The following SGCZ variants were observed in gnomAD, a reference collection of about 807,000 sequenced individuals.
The protein encoded by SGCZ is zeta-sarcoglycan.
SGCZ carries 40 observed loss-of-function variants against 41.3 expected under a neutral mutation model. The observed-to-expected ratio is 0.97, with a 90% confidence interval of 0.75 to 1.26. SGCZ has a LOEUF of 1.26. SGCZ is among the 50% of genes most tolerant of loss of function. The pLI is 0.00. For missense variants in SGCZ, 552 were observed against 369.8 expected, an observed-to-expected ratio of 1.49 and a Z score of -4.04; for synonymous variants, 206 against 137.5, an observed-to-expected ratio of 1.50 and a Z score of -3.49.
chr8:14,708,970 T>C (rs141560714), intron 1 of SGCZ, among the ~76,000 whole-genome samples: 2 of 152,106 alleles, frequency 1.3e-5, no homozygotes, highest in Non-Finnish European at 2.9e-5. Context: ...ATACCCAGAA[T>C]TTTGTTCATC....
At chr8:14,171,772 CTTA>C (rs34158451) in intron 4 of SGCZ, among the ~76,000 whole-genome samples, 54,437 of 151,594 alleles carry the variant, frequency 0.36, 12,583 homozygotes, top group Non-Finnish European at 0.53. Context: ...CTAAGCTATG[CTTA>C]TTGACATTTA....
At chr8:14,629,514 T>C (rs1806575661) in intron 1 of SGCZ, among the ~76,000 whole-genome samples, 1 of 152,052 alleles carries the variant, frequency 6.6e-6, no homozygotes, top group Non-Finnish European at 1.5e-5. Flanking sequence ...GTGAGGGATA[T>C]AAAAAGTGCA....
intron 2 of SGCZ, among the ~76,000 whole-genome samples, chr8:14,441,529 C>A (rs1445252544): frequency 6.6e-6 from 1 of 152,182 alleles, no homozygotes; most frequent in African/African-American, 2.4e-5. Context: ...AAGCCAAGAT[C>A]ACGTCACTGC....
intron 1 of SGCZ, among the ~76,000 whole-genome samples, chr8:14,615,046 T>C (rs1423402378): frequency 6.6e-6 from 1 of 151,996 alleles, no homozygotes; most frequent in Non-Finnish European, 1.5e-5. Context: ...TACAAAAAGA[T>C]TAAAAGTGAA....
intron 1 of SGCZ, among the ~76,000 whole-genome samples, chr8:15,129,657 GT>G (rs1807826598): frequency 7.1e-6 from 1 of 141,162 alleles, no homozygotes; most frequent in African/African-American, 2.6e-5. Flanking sequence ...AGGCGTGTAA[GT>G]GCACTCAAGC....
intron 4 of SGCZ, among the ~76,000 whole-genome samples, chr8:14,220,383 CA>C (rs140663816): frequency 0.053 from 8,001 of 152,140 alleles, 290 homozygotes; most frequent in East Asian, 0.12. Context: ...ATATACACTT[CA>C]AAAATCAAAT....
intron 5 of SGCZ, among the ~76,000 whole-genome samples, chr8:14,134,215 A>T (rs982575145): frequency 1.3e-5 from 2 of 152,174 alleles, no homozygotes; most frequent in African/African-American, 4.8e-5. Context: ...GCACAATTAG[A>T]TATTAGATAA....
At position 15,126,137 on chromosome 8, in the gene SGCZ, C is replaced by T. The variant is rs144064797; in HGVS notation, c.39+111448G>A. On this transcript the variant is annotated intron_variant, in intron 1 of 7. Coordinates refer to ENST00000382080, the MANE Select transcript of SGCZ (RefSeq NM_139167.4). ...TTCCAGCCTGGGCAACAGAGGGAGA[C>T]GCCATCTCAAAAAAGCAAAACAAAC... is the stretch of plus-strand genomic sequence containing the variant. Among the ~76,000 whole-genome samples, 657 of 152,160 alleles carry T rather than the reference C, an allele frequency of 4.3e-3. 6 individuals are homozygous for T. The highest frequency in any genetic ancestry group is 0.017 in the Middle Eastern group (5 of 294).
chr8:15,002,962 GGTTTTATAAAGGGGAGTTCCCCTGCAC>G (rs373089778), intron 1 of SGCZ, among the ~76,000 whole-genome samples: 203 of 152,046 alleles, frequency 1.3e-3, no homozygotes, highest in African/African-American at 4.5e-3. Flanking sequence ...AAGATCTGAT[GGTTTTATAAAGGGGAGTTCCCCTGCAC>G]GTGCTCTCTT....
At chr8:14,282,752 C>T (rs1294328984) in intron 3 of SGCZ, among the ~76,000 whole-genome samples, 3 of 152,034 alleles carry the variant, frequency 2.0e-5, no homozygotes, top group African/African-American at 7.2e-5. Context: ...TTCTTTCATC[C>T]CCTTTCCCCA....
intron 3 of SGCZ, among the ~76,000 whole-genome samples, chr8:14,299,719 C>G (rs946171058): frequency 3.3e-5 from 5 of 151,732 alleles, no homozygotes; most frequent in African/African-American, 7.3e-5. Flanking sequence ...AGTATTGTAC[C>G]AAATACATCC....
intron 1 of SGCZ, among the ~76,000 whole-genome samples, chr8:14,848,479 C>T (rs928974458): frequency 6.6e-5 from 10 of 152,140 alleles, no homozygotes; most frequent in Non-Finnish European, 1.0e-4. Flanking sequence ...ATAATCAACA[C>T]ACTGTTGTAT....
In SGCZ at chr8:14,795,963, A is replaced by T. The variant is rs547095413; in HGVS notation, c.40-241037T>A. On this transcript the variant is annotated intron_variant, in intron 1 of 7. Transcript: ENST00000382080. ...TTCCTGTGTTAGTTTTCTAAGGATA[A>T]TGGCCTCCAGCTCCATCCTTGTCCC... Among the ~76,000 whole-genome samples the T allele has an allele frequency of 1.2e-4, 19 of 152,254 alleles. No individual in the cohort carries two copies. In the South Asian group the frequency reaches 2.9e-3, roughly 23 times the overall value.
intron 2 of SGCZ, among the ~76,000 whole-genome samples, chr8:14,339,058 T>TA (rs1257443342): frequency 6.6e-6 from 1 of 152,100 alleles, no homozygotes; most frequent in East Asian, 1.9e-4. Context: ...AGAAAATTAG[T>TA]AAAAAAGGAT....
chr8:14,218,477 T>C (rs1041409833), intron 4 of SGCZ, among the ~76,000 whole-genome samples: 1 of 152,170 alleles, frequency 6.6e-6, no homozygotes, highest in East Asian at 1.9e-4. Context: ...GAAAACTCAA[T>C]CTTGTAAAGA....
chr8:15,003,011 T>G (rs1180151995), intron 1 of SGCZ, among the ~76,000 whole-genome samples: 1 of 152,164 alleles, frequency 6.6e-6, no homozygotes, highest in Non-Finnish European at 1.5e-5. Flanking sequence ...CCTGTCACCA[T>G]GTACAACGTA....
chr8:15,071,288 T>C (rs1805341929), intron 1 of SGCZ, among the ~76,000 whole-genome samples: 2 of 152,204 alleles, frequency 1.3e-5, no homozygotes, highest in Non-Finnish European at 2.9e-5. Flanking sequence ...GTGTTTGTTG[T>C]TTAATCTGAA....
chr8:14,476,525 T>G (rs755051279), intron 2 of SGCZ, among the ~76,000 whole-genome samples: 1 of 152,130 alleles, frequency 6.6e-6, no homozygotes, highest in Non-Finnish European at 1.5e-5. Flanking sequence ...CTAGTAATTT[T>G]AAAAAGCCCA....
chr8:15,147,216 C>T (rs1156358333), intron 1 of SGCZ, among the ~76,000 whole-genome samples: 1 of 152,190 alleles, frequency 6.6e-6, no homozygotes, highest in Admixed American at 6.5e-5. Flanking sequence ...CCAACACATT[C>T]TATCATCCTC....
Sources: allele counts gnomAD v4.1 joint callset (sites outside exome capture counted in the v4.1 genomes callset), GRCh38; gene constraint gnomAD v4.1.1; transcripts MANE v1.5; gene names NCBI Gene and HGNC (gene_info 2026-07-23, HGNC 2026-07-21).